QTMAN: variants seen among roughly 807,000 people sequenced by gnomAD.
The protein encoded by QTMAN is tRNA-queuosine alpha-mannosyltransferase.
At chr2:144,030,504 T>C in the QTMAN span, among the ~76,000 whole-genome samples, 1 of 152,208 alleles carries the variant, frequency 6.6e-6, no homozygotes. Context: ...GAAGCAGGAA[T>C]CATGTCTTAC....
the QTMAN span, among the ~76,000 whole-genome samples, chr2:144,108,943 C>T: frequency 1.3e-5 from 2 of 152,182 alleles, no homozygotes; most frequent in African/African-American, 4.8e-5. Flanking sequence ...ACATTCCATG[C>T]TCATGGATAG....
the QTMAN span, chr2:144,006,748 G>A: frequency 6.4e-6 from 1 of 155,116 alleles, no homozygotes; most frequent in Non-Finnish European, 1.4e-5. Context: ...GTAAAATGAA[G>A]CCACCCTGTT....
chr2:144,071,200 T>G, the QTMAN span, among the ~76,000 whole-genome samples: 1 of 152,002 alleles, frequency 6.6e-6, no homozygotes, highest in Non-Finnish European at 1.5e-5. Flanking sequence ...CACTGTTTTT[T>G]TTTTTTTTCT....
At chr2:144,228,253 AGAT>A in the QTMAN span, among the ~76,000 whole-genome samples, 1 of 152,196 alleles carries the variant, frequency 6.6e-6, no homozygotes, top group African/African-American at 2.4e-5. Context: ...GTTAAAACAG[AGAT>A]ACTTGAGTTA....
At chr2:144,264,636 G>T in the QTMAN span, among the ~76,000 whole-genome samples, 1 of 152,188 alleles carries the variant, frequency 6.6e-6, no homozygotes, top group East Asian at 1.9e-4. Flanking sequence ...ATACGGGTGA[G>T]GCTAGTCAGG....
chr2:144,265,002 G>C, the QTMAN span, among the ~76,000 whole-genome samples: 1 of 152,224 alleles, frequency 6.6e-6, no homozygotes. Flanking sequence ...CTGTCTACAG[G>C]AAGACAGGGA....
the QTMAN span, among the ~76,000 whole-genome samples, chr2:144,189,999 A>G: frequency 5.3e-5 from 8 of 152,146 alleles, no homozygotes; most frequent in Non-Finnish European, 8.8e-5. Flanking sequence ...TTAACATTGG[A>G]TATACTTCAT....
chr2:144,044,007 T>C, the QTMAN span, among the ~76,000 whole-genome samples: 2 of 152,186 alleles, frequency 1.3e-5, no homozygotes, highest in Admixed American at 1.3e-4. Flanking sequence ...TTTCCCTCCT[T>C]TTTGGCTACT....
the QTMAN span, among the ~76,000 whole-genome samples, chr2:144,179,684 A>T: frequency 6.6e-6 from 1 of 152,182 alleles, no homozygotes; most frequent in African/African-American, 2.4e-5. Context: ...CCTAAGATCC[A>T]CTAGACAAGA....
the QTMAN span, among the ~76,000 whole-genome samples, chr2:144,091,869 T>TA: frequency 8.0e-3 from 1,220 of 152,270 alleles, 11 homozygotes; most frequent in Non-Finnish European, 0.012. Flanking sequence ...AATGGACTAT[T>TA]AGACACCAAA....
chr2:144,108,252 C>G, the QTMAN span, among the ~76,000 whole-genome samples: 4 of 152,116 alleles, frequency 2.6e-5, no homozygotes, highest in Non-Finnish European at 4.4e-5. Context: ...AAGTTCTGGC[C>G]AGGGCAATCA....
the QTMAN span, chr2:144,145,688 C>A: frequency 1.9e-6 from 3 of 1,611,662 alleles, no homozygotes; most frequent in Non-Finnish European, 2.5e-6. Context: ...CAAGGTCAGG[C>A]CGAAGGGCAG....
At chr2:144,236,692 C>G in the QTMAN span, among the ~76,000 whole-genome samples, 1 of 152,000 alleles carries the variant, frequency 6.6e-6, no homozygotes, top group African/African-American at 2.4e-5. Flanking sequence ...GGCTCCCAAA[C>G]AGTCTACATA....
At chr2:143,961,357 C>T in the QTMAN span, among the ~76,000 whole-genome samples, 3 of 152,108 alleles carry the variant, frequency 2.0e-5, no homozygotes, top group Admixed American at 6.6e-5. Context: ...AAATCATGAC[C>T]ATATACAACT....
At chr2:144,310,485 G>A in the QTMAN span, among the ~76,000 whole-genome samples, 4 of 152,160 alleles carry the variant, frequency 2.6e-5, no homozygotes, top group African/African-American at 9.7e-5. Flanking sequence ...TAAATATTCT[G>A]GATACTGCAT....
chr2:144,021,880 CG>C, the QTMAN span, among the ~76,000 whole-genome samples: 1 of 151,956 alleles, frequency 6.6e-6, no homozygotes, highest in Non-Finnish European at 1.5e-5. Context: ...TGTGCGTGTG[CG>C]TCCATGCTTA....
chr2:144,020,282 G>T, the QTMAN span, among the ~76,000 whole-genome samples: 1 of 152,116 alleles, frequency 6.6e-6, no homozygotes, highest in Non-Finnish European at 1.5e-5. Context: ...ACCCTGGCCT[G>T]CCACGCCCCT....
chr2:144,275,504 C>A, the QTMAN span, among the ~76,000 whole-genome samples: 1 of 152,140 alleles, frequency 6.6e-6, no homozygotes, highest in South Asian at 2.1e-4. Context: ...CAGACTCAGA[C>A]TTTGACTTTG....
chr2:144,090,020 G>A, the QTMAN span, among the ~76,000 whole-genome samples: 1 of 151,898 alleles, frequency 6.6e-6, no homozygotes, highest in Non-Finnish European at 1.5e-5. Context: ...ATGTCCAAGT[G>A]TGACTTATTT....
Sources: gnomAD v4.1 joint callset for allele counts (sites outside exome capture counted in the v4.1 genomes callset) on GRCh38, gnomAD v4.1.1 for gene constraint, MANE v1.5 for transcripts, NCBI Gene and HGNC (gene_info 2026-07-23, HGNC 2026-07-21) for gene names.